The following CPEB4 variants were observed in gnomAD, a reference collection of about 807,000 sequenced individuals.
CPEB4 encodes the protein cytoplasmic polyadenylation element-binding protein 4.
A neutral mutation model predicts 72.5 loss-of-function variants in CPEB4; 12 were observed. The observed-to-expected ratio is 0.17, with a 90% CI of 0.11 to 0.27. The LOEUF (loss-of-function observed/expected upper bound fraction) is 0.27, where lower values mean the gene tolerates loss of function less well. CPEB4 is among the 10% of genes least tolerant of loss of function. The probability of loss-of-function intolerance (pLI) is 1.00; values close to 1 mark genes in which losing one functional copy is unlikely to be tolerated. For synonymous variants in CPEB4, 302 were observed against 326.3 expected, an observed-to-expected ratio of 0.93 and a Z score of 0.80; for missense variants, 614 against 908.5, an observed-to-expected ratio of 0.68 and a Z score of 4.17.
chr5:173,953,662 A>G (rs1217280854), intron 9 of CPEB4, among the ~76,000 whole-genome samples: 1 of 151,486 alleles, frequency 6.6e-6, no homozygotes, highest in Non-Finnish European at 1.5e-5. Context: ...TTTGTTTTTT[A>G]ATCCTGGGAC....
At chr5:173,938,290 A>G (rs181744947) in intron 3 of CPEB4, among the ~76,000 whole-genome samples, 31 of 152,228 alleles carry the variant, frequency 2.0e-4, no homozygotes, top group Admixed American at 1.8e-3. Flanking sequence ...CGGTGGTGCA[A>G]TCTCAGCTCA....
chr5:173,945,219 A>C, intron 5 of CPEB4, 79 bp downstream of exon 5: 1 of 1,240,614 alleles, frequency 8.1e-7, no homozygotes, highest in Non-Finnish European at 1.1e-6. Flanking sequence ...TTACAATAAC[A>C]GTCTTATCTG....
chr5:173,950,466 A>C lies in CPEB4; in HGVS notation c.1665+388A>C, dbSNP rs12515625. On this transcript the variant is annotated intron_variant, in intron 7 of 9. Transcript: ENST00000265085. The surrounding 1 kb of genome is among the most constrained non-coding windows in gnomAD (Gnocchi z 5.0). ...CTGAAAATACAAAAATTAGCCAGGC[A>C]TGGTGGCGCACATCTGTAGTCCCAG... Among the ~76,000 whole-genome samples the C allele has an allele frequency of 1.4e-4, 21 of 151,812 alleles. No homozygotes were observed. Among genetic ancestry groups the C allele is most frequent in the African/African-American group, 4.4e-4 (18 of 41,300 alleles).
At chr5:173,921,328 G>A (rs139184771) in intron 2 of CPEB4, among the ~76,000 whole-genome samples, 32 of 152,258 alleles carry the variant, frequency 2.1e-4, no homozygotes, top group African/African-American at 7.5e-4. Context: ...ATGAAATACT[G>A]CTCTAGAGAA....
Position 173,907,514 on chromosome 5 carries a change from A to G in CPEB4, c.1126-3009A>G, listed in dbSNP as rs7713351. Among the ~76,000 whole-genome samples the G allele has an allele frequency of 4.7e-3, 715 of 152,322 alleles. 5 individuals are homozygous for G. The highest frequency in any genetic ancestry group is 0.016 in the African/African-American group (666 of 41,578). ...TGTTAGTTGCATGAAAAACAACACT[A>G]AACTTAATTCCTCCCCTCCCCCAAA... On this transcript the variant is annotated intron_variant, in intron 1 of 9. Coordinates refer to ENST00000265085, the MANE Select transcript of CPEB4 (RefSeq NM_030627.4).
chr5:173,889,721 CTAAAGATAA>C lies in CPEB4; in HGVS notation c.-8_1del. The C allele has an allele frequency of 3.9e-6, 6 of 1,547,550 alleles. No individual in the cohort carries two copies. Among genetic ancestry groups the C allele is most frequent in the Non-Finnish European group, 5.2e-6 (6 of 1,148,270 alleles). On this transcript the variant is annotated 5_prime_UTR_variant, in exon 1 of 10. Coordinates refer to ENST00000265085, the MANE Select transcript of CPEB4 (RefSeq NM_030627.4). Reference sequence around the variant, plus strand: ...CATTTTTTATTGTGAGATTCTGCTCCTAAAGATAATAAATGGGGGATTACGGGTTTGGAG... The same window carrying C: ...CATTTTTTATTGTGAGATTCTGCTCCTAAATGGGGGATTACGGGTTTGGAG...
rs1236620359 is a variant in CPEB4 at position 173,890,622 on chromosome 5, T to A, written c.889T>A (p.Ser297Thr). ...SYQSPSPTPSSSWSPGGGGYG... is the reference protein window; with the variant it reads ...SYQSPSPTPSTSWSPGGGGYG... ...CCAGAGTCCGTCACCAACACCCTCCTCTTCCTGGAGCCCGGGCGGTGGTGG... is the reference window on the plus strand; with the variant it reads ...CCAGAGTCCGTCACCAACACCCTCCACTTCCTGGAGCCCGGGCGGTGGTGG... Residue 297 changes from serine to threonine, a missense_variant, in exon 1 of 10, where the codon TCT becomes ACT. Ser to Thr is a moderately conservative substitution (Grantham distance 58). Transcript: ENST00000265085. The A allele has an allele frequency of 1.2e-6, 2 of 1,613,822 alleles. No individual in the cohort carries two copies. The highest frequency in any genetic ancestry group is 1.7e-6 in the Non-Finnish European group (2 of 1,179,922).
chr5:173,902,618 G>C (rs979628863), intron 1 of CPEB4, among the ~76,000 whole-genome samples: 8 of 152,148 alleles, frequency 5.3e-5, no homozygotes, highest in African/African-American at 1.9e-4. Context: ...AATGTAACAT[G>C]ATGGGTGATG....
In CPEB4 at chr5:173,944,198, C is replaced by G. The variant is rs949100631; in HGVS notation, c.1283-769C>G. Among the ~76,000 whole-genome samples, 7 of 152,112 alleles carry G rather than the reference C, an allele frequency of 4.6e-5. No homozygotes were observed. The East Asian group carries it at 9.7e-4, about 21-fold the overall frequency. On this transcript the variant is annotated intron_variant, in intron 4 of 9. Transcript: ENST00000265085. ...TAATAATAAATATATCTTTAGCATG[C>G]CTAATAATCTTAAATTTCATAAGAC...
intron 3 of CPEB4, among the ~76,000 whole-genome samples, chr5:173,940,590 A>C (rs1757803566): frequency 6.6e-6 from 1 of 152,242 alleles, no homozygotes; most frequent in Non-Finnish European, 1.5e-5. Flanking sequence ...TTCTGGTTAC[A>C]TAGATCTGTT....
In CPEB4 at chr5:173,955,297, G is replaced by C. The variant is rs919502454; in HGVS notation, c.1963-613G>C. Among the ~76,000 whole-genome samples, 11 of 151,838 alleles carry C rather than the reference G, an allele frequency of 7.2e-5. No homozygotes were observed. Among genetic ancestry groups the C allele is most frequent in the African/African-American group, 2.7e-4 (11 of 41,376 alleles). On this transcript the variant is annotated intron_variant, in intron 9 of 9. Coordinates refer to ENST00000265085, the MANE Select transcript of CPEB4 (RefSeq NM_030627.4). The surrounding 1 kb of genome is among the most constrained non-coding windows in gnomAD (Gnocchi z 4.7). ...CAGGTGAACCATTCTTACTGAGAAA[G>C]AACAAAGCAGGGTTTTAGACTGTGA...
In CPEB4 at chr5:173,956,278, C is replaced by T; in HGVS notation, c.*141C>T. 1.6e-6 allele frequency: 1 copy of T among 631,870 alleles called. No homozygotes were observed. The highest frequency in any genetic ancestry group is 2.8e-6 in the Non-Finnish European group (1 of 361,612). The allele number at this position is 631,870 out of a possible 1,614,324, so 39.1% of individuals were successfully genotyped here. On this transcript the variant is annotated 3_prime_UTR_variant, in exon 10 of 10. Transcript: ENST00000265085. ...AACTATAGTATAATGAAAAGAATGA[C>T]CTATAATATAGGTGTTTTGTAGATT...
intron 2 of CPEB4, among the ~76,000 whole-genome samples, chr5:173,920,960 G>C (rs1042378800): frequency 3.9e-5 from 6 of 152,122 alleles, no homozygotes; most frequent in Admixed American, 2.0e-4. Context: ...TTTAAACTTG[G>C]CCTCGTGAAA....
Position 173,944,956 on chromosome 5 carries a change from T to C in CPEB4, c.1283-11T>C. 1 of 1,595,314 alleles carries C rather than the reference T, an allele frequency of 6.3e-7. No individual in the cohort carries two copies. The highest frequency in any genetic ancestry group is 8.6e-7 in the Non-Finnish European group (1 of 1,166,990). On this transcript the variant is annotated splice_polypyrimidine_tract_variant and intron_variant, in intron 4 of 9. Coordinates refer to ENST00000265085, the MANE Select transcript of CPEB4 (RefSeq NM_030627.4). ...TTTCTGTTACCGTTTTTTCCCTGCTTTCTATTCCAGGTCAGTCTTCACTGT... is the reference window on the plus strand; with the variant it reads ...TTTCTGTTACCGTTTTTTCCCTGCTCTCTATTCCAGGTCAGTCTTCACTGT...
At chr5:173,953,575 T>G in intron 9 of CPEB4, 1 of 366,972 alleles carries the variant, frequency 2.7e-6, no homozygotes, top group Non-Finnish European at 4.8e-6. Flanking sequence ...TCAATAAATA[T>G]TTACTGAATC....
rs530607035 is a variant in CPEB4, at chr5:173,942,970, T to C, written c.1259-56T>C. The C allele has an allele frequency of 1.9e-5, 30 of 1,560,350 alleles. No homozygotes were observed. The Admixed American group carries it at 3.4e-4, about 18-fold the overall frequency. ...AAATCACAGTTGATTCTTTTGACAATGTTTGAAAGGTTGTTTTGTTTTTTT... is the reference window on the plus strand; with the variant it reads ...AAATCACAGTTGATTCTTTTGACAACGTTTGAAAGGTTGTTTTGTTTTTTT... On this transcript the variant is annotated intron_variant, in intron 3 of 9. Transcript: ENST00000265085.
At chr5:173,909,959 C>T (rs1207809433) in intron 1 of CPEB4, among the ~76,000 whole-genome samples, 1 of 150,694 alleles carries the variant, frequency 6.6e-6, no homozygotes, top group Non-Finnish European at 1.5e-5. Context: ...GAGATCGCAC[C>T]ACTGTACTCC....
intron 2 of CPEB4, among the ~76,000 whole-genome samples, chr5:173,918,011 C>CTA (rs1359974720): frequency 6.6e-6 from 1 of 152,136 alleles, no homozygotes; most frequent in Non-Finnish European, 1.5e-5. Context: ...CTTAAGTCTC[C>CTA]TAAGAATTAG....
chr5:173,907,668 A>G (rs989333944), intron 1 of CPEB4, among the ~76,000 whole-genome samples: 1 of 152,250 alleles, frequency 6.6e-6, no homozygotes, highest in African/African-American at 2.4e-5. Context: ...TGATTTAGCA[A>G]ACATTTGCAT....
Sources: gnomAD v4.1 joint callset for allele counts (sites outside exome capture counted in the v4.1 genomes callset) on GRCh38, gnomAD v4.1.1 for gene constraint, Gnocchi (gnomAD v3.1) non-coding constraint, MANE v1.5 for transcripts, NCBI Gene and HGNC (gene_info 2026-07-23, HGNC 2026-07-21) for gene names.